DEPTOR: variants seen among roughly 807,000 people sequenced by gnomAD.
DEPTOR encodes the protein DEP domain-containing mTOR-interacting protein.
DEPTOR carries 41 observed loss-of-function variants against 41.6 expected under a neutral mutation model. The ratio of observed to expected loss-of-function variants is 0.98; its 90% CI spans 0.77 to 1.28. DEPTOR has a LOEUF of 1.28. Among genes scored for constraint, DEPTOR ranks in the 50% most tolerant of loss-of-function variants. DEPTOR has a pLI of 0.00. For missense variants in DEPTOR, 514 were observed against 527.9 expected, an observed-to-expected ratio of 0.97 and a Z score of 0.26; for synonymous variants, 195 against 192.3, an observed-to-expected ratio of 1.01 and a Z score of -0.12.
rs180686797 is a variant in DEPTOR at position 119,975,223 on chromosome 8, C to G, written c.604+9813C>G. Among the ~76,000 whole-genome samples the G allele has an allele frequency of 9.9e-5, 15 of 152,234 alleles. No homozygotes were observed. In the East Asian group the frequency reaches 2.9e-3, roughly 29 times the overall value. ...TTGAAAGGACAACTTTTTGGAGCTA[C>G]TGCTGTGTCTGCAGCTTCTCAAAAT... is the stretch of plus-strand genomic sequence containing the variant. On this transcript the variant is annotated intron_variant, in intron 4 of 8. Coordinates refer to ENST00000286234, the MANE Select transcript of DEPTOR (RefSeq NM_022783.4).
At chr8:119,976,859 C>A (rs1828701828) in intron 4 of DEPTOR, among the ~76,000 whole-genome samples, 1 of 152,150 alleles carries the variant, frequency 6.6e-6, no homozygotes, top group Non-Finnish European at 1.5e-5. Context: ...CCTCCCCCCG[C>A]ACACCCTGCA....
intron 6 of DEPTOR, among the ~76,000 whole-genome samples, chr8:120,003,932 T>C (rs1812394298): frequency 1.3e-5 from 2 of 152,208 alleles, no homozygotes; most frequent in Admixed American, 1.3e-4. Context: ...GTGTGGTCCA[T>C]CACTACAGTA....
intron 5 of DEPTOR, among the ~76,000 whole-genome samples, chr8:120,002,427 T>A (rs1285818087): frequency 6.6e-6 from 1 of 152,106 alleles, no homozygotes; most frequent in East Asian, 1.9e-4. Flanking sequence ...TGTGAACCAC[T>A]GCGCCCGGCC....
intron 1 of DEPTOR, among the ~76,000 whole-genome samples, chr8:119,881,895 T>A (rs1327738749): frequency 2.6e-5 from 4 of 152,148 alleles, no homozygotes; most frequent in African/African-American, 4.8e-5. Context: ...TTTATTTATT[T>A]ATTTATTTAT....
At chr8:120,002,788 A>T (rs1812369455) in intron 5 of DEPTOR, among the ~76,000 whole-genome samples, 189 bp from the exon 6 acceptor site, 1 of 100,852 alleles carries the variant, frequency 9.9e-6, no homozygotes, top group South Asian at 3.1e-4. Context: ...AAAAAAAAAA[A>T]AAAATATATA....
chr8:119,912,313 C>CTAACA (rs1827755814), intron 1 of DEPTOR, among the ~76,000 whole-genome samples: 1 of 152,190 alleles, frequency 6.6e-6, no homozygotes, highest in Admixed American at 6.5e-5. Flanking sequence ...ACACAATTCC[C>CTAACA]TAACATATAG....
At chr8:120,044,551 C>G (rs888267635) in intron 8 of DEPTOR, among the ~76,000 whole-genome samples, 2 of 152,120 alleles carry the variant, frequency 1.3e-5, no homozygotes, top group Admixed American at 6.6e-5. Context: ...GTCTGACTGG[C>G]CAAGCTTAGG....
chr8:119,968,676 A>G (rs1828594783), intron 4 of DEPTOR, among the ~76,000 whole-genome samples: 1 of 152,162 alleles, frequency 6.6e-6, no homozygotes, highest in Non-Finnish European at 1.5e-5. Flanking sequence ...TCCATTTTAC[A>G]AATCAGAAGG....
chr8:119,944,637 G>C (rs1230994593), intron 3 of DEPTOR, among the ~76,000 whole-genome samples: 1 of 149,726 alleles, frequency 6.7e-6, no homozygotes. Flanking sequence ...ATAAATGATT[G>C]CATGGTAATT....
At chr8:119,946,117 A>G (rs1300924308) in intron 3 of DEPTOR, among the ~76,000 whole-genome samples, 3 of 152,136 alleles carry the variant, frequency 2.0e-5, no homozygotes, top group African/African-American at 7.2e-5. Flanking sequence ...ATCCCCGCTT[A>G]ATTGCAGTCC....
At chr8:119,914,735 C>A (rs978586474) in intron 1 of DEPTOR, among the ~76,000 whole-genome samples, 1 of 152,172 alleles carries the variant, frequency 6.6e-6, no homozygotes, top group Non-Finnish European at 1.5e-5. Context: ...CTTGCCAATC[C>A]CCCAAGCACT....
chr8:120,010,686 G>A (rs1812519743), intron 8 of DEPTOR, among the ~76,000 whole-genome samples: 1 of 151,644 alleles, frequency 6.6e-6, no homozygotes, highest in Admixed American at 6.6e-5. Context: ...TATGCAAGCA[G>A]GAAAAAAATT....
At chr8:119,878,885 C>T (rs1188930958) in intron 1 of DEPTOR, among the ~76,000 whole-genome samples, 4 of 151,202 alleles carry the variant, frequency 2.6e-5, no homozygotes, top group South Asian at 4.2e-4. Flanking sequence ...CTGAGGCGGG[C>T]GGATCACCTG....
intron 3 of DEPTOR, among the ~76,000 whole-genome samples, chr8:119,948,895 C>G (rs1828316739): frequency 6.6e-6 from 1 of 152,122 alleles, no homozygotes. Flanking sequence ...TCAAGCAATT[C>G]TCCTGCCCCA....
Position 119,965,455 on chromosome 8 carries a change from C to T in DEPTOR, c.604+45C>T, listed in dbSNP as rs373601482. 152 of 1,590,990 alleles carry T rather than the reference C, an allele frequency of 9.6e-5. 1 individual carries two copies. The Middle Eastern group carries it at 6.1e-3, about 64-fold the overall frequency. ...TTTGCTGCAGGAACAAACAGCCAGC[C>T]CCAAATCTTGTGTCTTACAACAACA... is the stretch of plus-strand genomic sequence containing the variant. On this transcript the variant is annotated intron_variant, in intron 4 of 8. Transcript: ENST00000286234.
chr8:120,005,367 A>G (rs755340369), intron 6 of DEPTOR, among the ~76,000 whole-genome samples: 3 of 152,242 alleles, frequency 2.0e-5, no homozygotes, highest in Non-Finnish European at 2.9e-5. Flanking sequence ...TGATAAGATC[A>G]GCAACCTGTC....
rs1437988586 is a variant in DEPTOR, at chr8:119,935,675, C to T, written c.425+5737C>T. Among the ~76,000 whole-genome samples, 9 of 150,492 alleles carry T rather than the reference C, an allele frequency of 6.0e-5. No homozygotes were observed. In the South Asian group the frequency reaches 6.3e-4, roughly 11 times the overall value. On this transcript the variant is annotated intron_variant, in intron 3 of 8. Transcript: ENST00000286234. ...GGCGGAGGTTGCAGTGAGCCAAGAT[C>T]GCACCACTGCACTCTAGCCTGGGCA... is the stretch of plus-strand genomic sequence containing the variant.
chr8:119,980,188 A>G (rs1036542863), intron 4 of DEPTOR, among the ~76,000 whole-genome samples: 2 of 152,000 alleles, frequency 1.3e-5, no homozygotes, highest in African/African-American at 4.8e-5. Flanking sequence ...GAATGGGTTA[A>G]ATTAATCTTC....
chr8:120,031,031 T>A lies in DEPTOR; in HGVS notation c.1102-18545T>A, dbSNP rs138952995. Among the ~76,000 whole-genome samples, 131 of 152,260 alleles carry A rather than the reference T, an allele frequency of 8.6e-4. No homozygotes were observed. The East Asian group carries it at 0.015, about 18-fold the overall frequency. On this transcript the variant is annotated intron_variant, in intron 8 of 8. Transcript: ENST00000286234. The stretch of plus-strand genomic sequence containing the variant: ...CCTAAAACTATCTTAAAAAATAAAG[T>A]TTACTTTAAAAATACTAGTGAGGCA...
Sources: gnomAD v4.1 joint callset for allele counts (sites outside exome capture counted in the v4.1 genomes callset) on GRCh38, gnomAD v4.1.1 for gene constraint, MANE v1.5 for transcripts, NCBI Gene and HGNC (gene_info 2026-07-23, HGNC 2026-07-21) for gene names.